PLCL2: variants seen among roughly 807,000 people sequenced by gnomAD.
PLCL2 encodes inactive phospholipase C-like protein 2.
PLCL2 carries 4 observed loss-of-function variants against 79.6 expected under a neutral mutation model. The ratio of observed to expected loss-of-function variants is 0.05; its 90% CI spans 0.02 to 0.11. The LOEUF (loss-of-function observed/expected upper bound fraction) is 0.11. Among genes scored for constraint, PLCL2 ranks in the 10% least tolerant of loss-of-function variants. The pLI is 1.00. For synonymous variants in PLCL2, 484 were observed against 457.7 expected, an observed-to-expected ratio of 1.06 and a Z score of -0.73; for missense variants, 895 against 1,291.0, an observed-to-expected ratio of 0.69 and a Z score of 4.70.
chr3:17,085,881 G>GAAAACTAT (rs1174770715), intron 5 of PLCL2, among the ~76,000 whole-genome samples: 1 of 152,140 alleles, frequency 6.6e-6, no homozygotes, highest in Non-Finnish European at 1.5e-5. Flanking sequence ...CTTATATGAG[G>GAAAACTAT]AAAACTATAA....
intron 4 of PLCL2, among the ~76,000 whole-genome samples, chr3:17,066,894 A>G (rs1274310260): frequency 6.6e-6 from 1 of 152,236 alleles, no homozygotes; most frequent in Non-Finnish European, 1.5e-5. Context: ...ATAAAAAACT[A>G]ATAACATATA....
chr3:17,004,188 T>C (rs189139057), intron 1 of PLCL2, among the ~76,000 whole-genome samples: 93 of 152,268 alleles, frequency 6.1e-4, no homozygotes, highest in Middle Eastern at 3.4e-3. Context: ...ACAGTTATGA[T>C]TTTATAGATT....
chr3:16,932,003 A>G (rs1697411745), intron 1 of PLCL2, among the ~76,000 whole-genome samples: 1 of 152,126 alleles, frequency 6.6e-6, no homozygotes. Flanking sequence ...GTGAAGATAT[A>G]AGGAAAAGGT....
chr3:16,957,045 T>G (rs2063712346), intron 1 of PLCL2, among the ~76,000 whole-genome samples: 1 of 152,136 alleles, frequency 6.6e-6, no homozygotes, highest in South Asian at 2.1e-4. Flanking sequence ...CTGCTCTGAT[T>G]TTAGTTGTTT....
At chr3:16,962,438 C>G (rs1221154656) in intron 1 of PLCL2, among the ~76,000 whole-genome samples, 2 of 149,170 alleles carry the variant, frequency 1.3e-5, no homozygotes, top group Non-Finnish European at 3.0e-5. Context: ...TTTTTTTTCC[C>G]CAAGGACCTT....
intron 1 of PLCL2, among the ~76,000 whole-genome samples, chr3:16,940,505 G>A (rs973964675): frequency 6.6e-6 from 1 of 152,210 alleles, no homozygotes; most frequent in Non-Finnish European, 1.5e-5. Context: ...GGGTGGAAGA[G>A]GGGCGTGGGT....
intron 1 of PLCL2, among the ~76,000 whole-genome samples, chr3:16,981,102 G>A (rs947221461): frequency 6.6e-6 from 1 of 152,204 alleles, no homozygotes; most frequent in Non-Finnish European, 1.5e-5. Context: ...TCCAGCTTCG[G>A]CTCGGCATCA....
chr3:16,993,509 C>G (rs554867278), intron 1 of PLCL2, among the ~76,000 whole-genome samples: 7 of 152,310 alleles, frequency 4.6e-5, no homozygotes, highest in African/African-American at 7.2e-5. Flanking sequence ...AGCTTCAAAA[C>G]TCTGGAATTA....
intron 5 of PLCL2, among the ~76,000 whole-genome samples, chr3:17,074,204 G>T (rs759419714): frequency 6.6e-6 from 1 of 152,194 alleles, no homozygotes; most frequent in African/African-American, 2.4e-5. Flanking sequence ...AATGGATATT[G>T]TATTAGCAGG....
chr3:17,026,910 A>C (rs1419447784), intron 3 of PLCL2, among the ~76,000 whole-genome samples: 6 of 152,140 alleles, frequency 3.9e-5, no homozygotes, highest in African/African-American at 1.4e-4. Flanking sequence ...GTATTAGAAA[A>C]AAAAACAAAA....
intron 1 of PLCL2, among the ~76,000 whole-genome samples, chr3:16,976,668 A>G (rs1438522725): frequency 6.6e-6 from 1 of 152,214 alleles, no homozygotes. Flanking sequence ...CGCCCATGGA[A>G]CATTGTCATC....
chr3:17,082,971 T>A (rs933272392), intron 5 of PLCL2, among the ~76,000 whole-genome samples: 2 of 152,152 alleles, frequency 1.3e-5, no homozygotes, highest in African/African-American at 4.8e-5. Context: ...TTAATTACAA[T>A]ACTTTAATTG....
At chr3:16,949,762 C>T (rs908045177) in intron 1 of PLCL2, among the ~76,000 whole-genome samples, 1 of 151,984 alleles carries the variant, frequency 6.6e-6, no homozygotes, top group African/African-American at 2.4e-5. Context: ...GTCATTTCTG[C>T]TTATATGTTA....
At chr3:16,970,052 A>ATTTTT (rs1222156599) in intron 1 of PLCL2, among the ~76,000 whole-genome samples, 1 of 138,450 alleles carries the variant, frequency 7.2e-6, no homozygotes, top group Admixed American at 7.5e-5. Context: ...ATATATATAT[A>ATTTTT]TATATATTTT....
intron 1 of PLCL2, among the ~76,000 whole-genome samples, chr3:16,999,781 C>G (rs2064188692): frequency 6.6e-6 from 1 of 151,966 alleles, no homozygotes; most frequent in African/African-American, 2.4e-5. Flanking sequence ...CTTGATTTTG[C>G]TGTTTTTATT....
At chr3:17,089,376 A>G (rs1475690735) in intron 5 of PLCL2, among the ~76,000 whole-genome samples, 2 of 152,232 alleles carry the variant, frequency 1.3e-5, no homozygotes, top group African/African-American at 4.8e-5. Context: ...TTCAAAATAA[A>G]AAGTTTTTTT....
At chr3:16,973,665 A>C (rs1443784096) in intron 1 of PLCL2, among the ~76,000 whole-genome samples, 2 of 152,126 alleles carry the variant, frequency 1.3e-5, no homozygotes, top group Non-Finnish European at 2.9e-5. Flanking sequence ...TGCTAACTTA[A>C]ATACCTCTGC....
chr3:16,939,470 T>A (rs1697624429), intron 1 of PLCL2, among the ~76,000 whole-genome samples: 1 of 152,146 alleles, frequency 6.6e-6, no homozygotes, highest in Admixed American at 6.5e-5. Context: ...AGGGAGCAGG[T>A]TTAAAGGGAG....
intron 1 of PLCL2, among the ~76,000 whole-genome samples, chr3:16,985,474 C>T (rs1386364356): frequency 6.6e-6 from 1 of 152,052 alleles, no homozygotes; most frequent in African/African-American, 2.4e-5. Flanking sequence ...CACATAGAAA[C>T]ATCAAAGGGT....
Sources: allele counts gnomAD v4.1 joint callset (sites outside exome capture counted in the v4.1 genomes callset), GRCh38; gene constraint gnomAD v4.1.1; transcripts MANE v1.5; gene names NCBI Gene and HGNC (gene_info 2026-07-23, HGNC 2026-07-21).